The following JAK1 variants were observed in gnomAD, a reference collection of about 807,000 sequenced individuals.
JAK1 encodes Janus kinase 1.
A neutral mutation model predicts 136.6 loss-of-function variants in JAK1; 16 were observed. The observed-to-expected ratio is 0.12, with a 90% CI of 0.08 to 0.18. The LOEUF (loss-of-function observed/expected upper bound fraction) is 0.18, where lower values mean the gene tolerates loss of function less well. Ranked by LOEUF, JAK1 falls within the 10% of genes least tolerant of loss-of-function variation. The pLI, the probability that JAK1 is intolerant of heterozygous loss-of-function variation, is 1.00. For synonymous variants in JAK1, 492 were observed against 519.5 expected (o/e 0.95, Z 0.72); for missense variants, 859 against 1,450.1 (o/e 0.59, Z 6.62).
At chr1:64,842,679 G>A (rs1411253461) in intron 17 of JAK1, among the ~76,000 whole-genome samples, 1 of 152,120 alleles carries the variant, frequency 6.6e-6, no homozygotes, top group Non-Finnish European at 1.5e-5. Flanking sequence ...TTCAGCCCAG[G>A]GTACGCAGCA....
At chr1:65,009,781 C>T (rs1454915573) in intron 2 of JAK1, among the ~76,000 whole-genome samples, 1 of 152,222 alleles carries the variant, frequency 6.6e-6, no homozygotes, top group East Asian at 1.9e-4. Context: ...GGAAGAGTTA[C>T]TGGCCCATGG....
chr1:64,974,919 GT>G (rs35828392), intron 2 of JAK1, among the ~76,000 whole-genome samples: 12 of 150,526 alleles, frequency 8.0e-5, no homozygotes, highest in African/African-American at 2.2e-4. Flanking sequence ...TTTGTTTTTT[GT>G]TTTTTTGAGA....
At chr1:64,953,463 C>G (rs1328267277) in intron 1 of JAK1, among the ~76,000 whole-genome samples, 2 of 152,092 alleles carry the variant, frequency 1.3e-5, no homozygotes, top group African/African-American at 4.8e-5. Flanking sequence ...CTGGTACGCT[C>G]AGACCCACAC....
chr1:65,045,416 G>C (rs933594600), intron 1 of JAK1, among the ~76,000 whole-genome samples: 1 of 152,192 alleles, frequency 6.6e-6, no homozygotes, highest in Non-Finnish European at 1.5e-5. Flanking sequence ...TAAGGGTCTA[G>C]CTAAAGACCC....
chr1:64,858,977 C>T (rs1040467389), intron 9 of JAK1, among the ~76,000 whole-genome samples: 1 of 152,150 alleles, frequency 6.6e-6, no homozygotes, highest in Non-Finnish European at 1.5e-5. Context: ...AGAGCGAGTG[C>T]CTGGGCCCTG....
intron 1 of JAK1, among the ~76,000 whole-genome samples, chr1:64,946,711 T>C (rs1645994143): frequency 1.3e-5 from 2 of 152,156 alleles, no homozygotes. Context: ...TCCAAAAAAG[T>C]GGCAGTTCAC....
Position 64,834,635 on chromosome 1 carries a change from C to T in JAK1, c.3392G>A (p.Cys1131Tyr). Residue 1131 changes from cysteine to tyrosine, a missense_variant, in exon 25 of 25, where the codon TGC (cysteine) becomes TAC (tyrosine). Physicochemically the swap from Cys to Tyr is radical, Grantham distance 194. This residue lies in a region of JAK1 where 53 missense variants were observed against 64.8 expected (regional missense o/e 0.82). Transcript: ENST00000342505. ...CCGATTGGATGGTTGGAATTCCCAG[C>T]ATTTCCTCATAAGTTGATAAACCTG... ...PDEVYQLMRK[C>Y]WEFQPSNRTS... 1 of 1,611,202 alleles carries T rather than the reference C, an allele frequency of 6.2e-7. No individual in the cohort carries two copies. The highest frequency in any genetic ancestry group is 1.1e-5 in the South Asian group (1 of 90,912).
In JAK1 at chr1:64,945,265, G is replaced by C. The variant is rs1645963788; in HGVS notation, c.-78+21068C>G. ...AAAAATATGTAAATTTCAAGGCATG[G>C]AAAAAGGTACTAACCCCATGGGGAG... is the stretch of plus-strand genomic sequence containing the variant. On this transcript the variant is annotated intron_variant, in intron 1 of 24. Transcript: ENST00000342505. Among the ~76,000 whole-genome samples the C allele has an allele frequency of 2.0e-5, 3 of 152,038 alleles. No homozygotes were observed. In the South Asian group the frequency reaches 6.2e-4, roughly 32 times the overall value.
chr1:64,907,365 T>G (rs962802570), intron 1 of JAK1, among the ~76,000 whole-genome samples: 17 of 152,330 alleles, frequency 1.1e-4, no homozygotes, highest in African/African-American at 4.1e-4. Context: ...CACAATAAAC[T>G]TCTGGGCTTT....
chr1:64,931,582 G>C (rs1434332035), intron 1 of JAK1, among the ~76,000 whole-genome samples: 3 of 152,028 alleles, frequency 2.0e-5, no homozygotes, highest in Admixed American at 2.0e-4. Flanking sequence ...CTACGCTCCA[G>C]GGGCATCATC....
intron 2 of JAK1, among the ~76,000 whole-genome samples, chr1:65,000,817 TA>T (rs1646748510): frequency 6.6e-6 from 1 of 152,114 alleles, no homozygotes; most frequent in Non-Finnish European, 1.5e-5. Context: ...CTGCAATGAA[TA>T]ATAATTATTT....
chr1:64,895,142 CT>C (rs1644995773), intron 1 of JAK1, among the ~76,000 whole-genome samples: 2 of 152,112 alleles, frequency 1.3e-5, no homozygotes, highest in African/African-American at 4.8e-5. Flanking sequence ...GTCTGATATC[CT>C]AGGAACCTAT....
At chr1:65,024,636 C>T (rs142276248) in intron 2 of JAK1, among the ~76,000 whole-genome samples, 2 of 129,642 alleles carry the variant, frequency 1.5e-5, no homozygotes, top group East Asian at 2.3e-4. Context: ...GTAGTTGTGG[C>T]TTCAAGAATG....
intron 5 of JAK1, among the ~76,000 whole-genome samples, chr1:64,869,955 A>G (rs1656972658): frequency 6.6e-6 from 1 of 152,156 alleles, no homozygotes; most frequent in South Asian, 2.1e-4. Context: ...CATCATCACC[A>G]CATGTACATT....
chr1:64,838,375 A>G, intron 21 of JAK1, 90 bp downstream of exon 21: 1 of 1,342,968 alleles, frequency 7.4e-7, no homozygotes, highest in African/African-American at 1.5e-5. Flanking sequence ...ATTATCATAA[A>G]CTTACCCACT....
intron 1 of JAK1, among the ~76,000 whole-genome samples, chr1:64,930,538 A>AT (rs943252269): frequency 5.9e-5 from 9 of 152,234 alleles, no homozygotes; most frequent in Non-Finnish European, 1.2e-4. Flanking sequence ...GGAACACTTT[A>AT]TGCTGTTGGT....
chr1:64,903,226 C>T (rs1173920626), intron 1 of JAK1, among the ~76,000 whole-genome samples: 4 of 152,172 alleles, frequency 2.6e-5, no homozygotes, highest in African/African-American at 9.7e-5. Flanking sequence ...GGGGTTTCAC[C>T]ATGTTGGCCA....
chr1:64,896,716 T>C (rs934367957), intron 1 of JAK1, among the ~76,000 whole-genome samples: 8 of 152,158 alleles, frequency 5.3e-5, no homozygotes, highest in Admixed American at 2.0e-4. Context: ...ACATGACTGA[T>C]TGCCAAACAC....
At chr1:64,960,358 T>C (rs1646260456) in intron 1 of JAK1, among the ~76,000 whole-genome samples, 1 of 152,234 alleles carries the variant, frequency 6.6e-6, no homozygotes, top group East Asian at 1.9e-4. Flanking sequence ...TGTCATTCTA[T>C]GGATAAGGAA....
Sources: gnomAD v4.1 joint callset for allele counts (sites outside exome capture counted in the v4.1 genomes callset) on GRCh38, gnomAD v4.1.1 for gene constraint, gnomAD v4.1.1 regional missense constraint, MANE v1.5 for transcripts, NCBI Gene and HGNC (gene_info 2026-07-23, HGNC 2026-07-21) for gene names.